The following MIX23 variants were observed in gnomAD, a reference collection of about 807,000 sequenced individuals.
The protein encoded by MIX23 is protein MIX23.
A neutral mutation model predicts 21.6 loss-of-function variants in MIX23; 13 were observed. The observed-to-expected ratio is 0.60, with a 90% CI of 0.39 to 0.96. The LOEUF is 0.96. MIX23 is among the 40% of genes least tolerant of loss of function. The pLI is 0.00. For synonymous variants in MIX23, 59 were observed against 58.0 expected, an observed-to-expected ratio of 1.02 and a Z score of -0.08; for missense variants, 144 against 171.2, an observed-to-expected ratio of 0.84 and a Z score of 0.89.
In MIX23 at chr3:122,371,723, AAAGG is replaced by A. The variant is rs1353633980; in HGVS notation, c.125_128del (p.Ser42LeufsTer18). 1 of 1,612,754 alleles carries A rather than the reference AAAGG, an allele frequency of 6.2e-7. No individual in the cohort carries two copies. ...TTTGGCTGGCATCAATTTTCCCTGCAAAGGAAGCTGTTGGAACCGTAGTGTTTAA... is the reference window on the plus strand; with the variant it reads ...TTTGGCTGGCATCAATTTTCCCTGCAAAGCTGTTGGAACCGTAGTGTTTAA... On this transcript the variant is annotated frameshift_variant, in exon 2 of 5. Transcript: ENST00000291458. LOFTEE classifies it high-confidence loss of function.
At chr3:122,373,166 C>T (rs1409364237) in intron 1 of MIX23, 1 of 284,170 alleles carries the variant, frequency 3.5e-6, no homozygotes, top group Non-Finnish European at 6.8e-6. Flanking sequence ...TTTTTCTACA[C>T]ATACCTATTA....
intron 1 of MIX23, among the ~76,000 whole-genome samples, chr3:122,376,846 A>C (rs1263357427): frequency 3.3e-5 from 5 of 152,150 alleles, no homozygotes; most frequent in Non-Finnish European, 7.4e-5. Flanking sequence ...GGGGTGAAAA[A>C]TTACCTGTTG....
intron 1 of MIX23, among the ~76,000 whole-genome samples, chr3:122,380,701 T>C (rs1461628662): frequency 1.3e-5 from 2 of 152,218 alleles, no homozygotes; most frequent in Non-Finnish European, 2.9e-5. Context: ...TCTAGTCATA[T>C]GAACCCAAAA....
intron 1 of MIX23, among the ~76,000 whole-genome samples, chr3:122,382,402 T>G (rs1260379816): frequency 6.6e-6 from 1 of 152,224 alleles, no homozygotes; most frequent in Non-Finnish European, 1.5e-5. Context: ...TTCAAACCGT[T>G]CAAAGTACAA....
At chr3:122,381,292 TTG>T (rs2075529226) in intron 1 of MIX23, among the ~76,000 whole-genome samples, 1 of 152,208 alleles carries the variant, frequency 6.6e-6, no homozygotes, top group African/African-American at 2.4e-5. Context: ...ACGGGTTGAA[TTG>T]TGTGTCCCCA....
intron 3 of MIX23, among the ~76,000 whole-genome samples, chr3:122,363,779 C>A (rs2075376865): frequency 6.7e-6 from 1 of 149,246 alleles, no homozygotes; most frequent in African/African-American, 2.6e-5. Context: ...TTCTTTATAA[C>A]TGCCAACCTA....
chr3:122,360,484 T>A (rs1405575175), intron 4 of MIX23, among the ~76,000 whole-genome samples: 1 of 152,092 alleles, frequency 6.6e-6, no homozygotes. Context: ...TAGAAAAGGT[T>A]TGAGTATCTG....
At chr3:122,377,236 A>C (rs890684326) in intron 1 of MIX23, among the ~76,000 whole-genome samples, 1 of 146,904 alleles carries the variant, frequency 6.8e-6, no homozygotes, top group African/African-American at 2.4e-5. Context: ...ATTAGAAAAA[A>C]CAAAAAACAA....
chr3:122,369,085 C>T (rs2075418745), intron 2 of MIX23, among the ~76,000 whole-genome samples: 1 of 152,214 alleles, frequency 6.6e-6, no homozygotes, highest in African/African-American at 2.4e-5. Flanking sequence ...CTTCCATAAT[C>T]ATAGCCACAT....
At chr3:122,360,411 A>G (rs2075349092) in intron 4 of MIX23, among the ~76,000 whole-genome samples, 1 of 152,206 alleles carries the variant, frequency 6.6e-6, no homozygotes, top group Non-Finnish European at 1.5e-5. Context: ...AGGGAAAAAA[A>G]AGTGTGAATA....
At chr3:122,372,534 G>A (rs961900476) in intron 1 of MIX23, among the ~76,000 whole-genome samples, 1 of 152,050 alleles carries the variant, frequency 6.6e-6, no homozygotes, top group East Asian at 1.9e-4. Context: ...AAAGCATCAA[G>A]AAAATGGCTG....
chr3:122,380,963 C>T (rs1244117341), intron 1 of MIX23, among the ~76,000 whole-genome samples: 2 of 152,206 alleles, frequency 1.3e-5, no homozygotes, highest in Non-Finnish European at 1.5e-5. Flanking sequence ...TCACACGTGA[C>T]ACACAAGGCT....
rs1390781335 is a variant in MIX23, at chr3:122,377,308, A to G, written c.52-5508T>C. Among the ~76,000 whole-genome samples, 3 of 152,242 alleles carry G rather than the reference A, an allele frequency of 2.0e-5. No individual in the cohort carries two copies. In the East Asian group the frequency reaches 5.8e-4, roughly 29 times the overall value. On this transcript the variant is annotated intron_variant, in intron 1 of 4. Coordinates refer to ENST00000291458, the MANE Select transcript of MIX23 (RefSeq NM_001017928.4). ...GATGCCTATTAGATATCTGAGTAGA[A>G]GAGTGGAATAGAAAGTAGAGTATGC...
intron 3 of MIX23, among the ~76,000 whole-genome samples, chr3:122,365,126 C>T (rs1415628530): frequency 6.6e-6 from 1 of 152,220 alleles, no homozygotes; most frequent in African/African-American, 2.4e-5. Flanking sequence ...CTTAAGGCCA[C>T]TAACATGTGA....
Position 122,375,243 on chromosome 3 carries a change from A to G in MIX23, c.52-3443T>C, listed in dbSNP as rs2075475007. Among the ~76,000 whole-genome samples the G allele has an allele frequency of 2.0e-5, 3 of 152,254 alleles. No homozygotes were observed. In the South Asian group the frequency reaches 6.2e-4, roughly 31 times the overall value. On this transcript the variant is annotated intron_variant, in intron 1 of 4. Coordinates refer to ENST00000291458, the MANE Select transcript of MIX23 (RefSeq NM_001017928.4). ...AACAGAAATTGCTGAATTGGTGGTC[A>G]GGGACGAGAAAATAAAATAGCATGA...
chr3:122,360,252 A>G (rs1576227605), intron 4 of MIX23, among the ~76,000 whole-genome samples: 1 of 152,266 alleles, frequency 6.6e-6, no homozygotes, highest in East Asian at 1.9e-4. Flanking sequence ...ACACAAAAAT[A>G]TCTAAAATAA....
At chr3:122,383,014 A>C in intron 1 of MIX23, 160 bp downstream of exon 1, 1 of 883,688 alleles carries the variant, frequency 1.1e-6, no homozygotes, top group Non-Finnish European at 1.9e-6. Flanking sequence ...CTCGCTCCCT[A>C]AGGCCAAACC....
intron 1 of MIX23, among the ~76,000 whole-genome samples, chr3:122,377,009 G>A (rs892530390): frequency 3.4e-4 from 51 of 152,168 alleles, no homozygotes; most frequent in East Asian, 1.9e-4. Context: ...GCAAAACCCC[G>A]TCTTTACCAA....
chr3:122,373,523 C>T (rs903214319), intron 1 of MIX23, among the ~76,000 whole-genome samples: 7 of 152,216 alleles, frequency 4.6e-5, no homozygotes, highest in Non-Finnish European at 8.8e-5. Flanking sequence ...ATCCACCGGC[C>T]TCAGCCTCCC....
Sources: gnomAD v4.1 joint callset for allele counts (sites outside exome capture counted in the v4.1 genomes callset) on GRCh38, gnomAD v4.1.1 for gene constraint, MANE v1.5 for transcripts, NCBI Gene and HGNC (gene_info 2026-07-23, HGNC 2026-07-21) for gene names.